Variants in RABGEF1 observed in about 807,000 individuals in gnomAD.
The protein encoded by RABGEF1 is RAB guanine nucleotide exchange factor 1.
RABGEF1 carries 26 observed loss-of-function variants against 57.3 expected under a neutral mutation model. The observed-to-expected ratio is 0.45, with a 90% CI of 0.33 to 0.63. The LOEUF is 0.63. Ranked by LOEUF, RABGEF1 falls within the 20% of genes least tolerant of loss-of-function variation. The probability of loss-of-function intolerance (pLI) is 0.02; values close to 1 mark genes in which losing one functional copy is unlikely to be tolerated. For synonymous variants in RABGEF1, 185 were observed against 210.7 expected (o/e 0.88, Z 1.06); for missense variants, 464 against 607.6 (o/e 0.76, Z 2.48).
chr7:66,706,601 G>A (rs923305137), intron 1 of RABGEF1, among the ~76,000 whole-genome samples: 3 of 151,100 alleles, frequency 2.0e-5, no homozygotes, highest in African/African-American at 7.3e-5. Context: ...AGTAGAGACG[G>A]GATTTCACCA....
intron 1 of RABGEF1, among the ~76,000 whole-genome samples, chr7:66,754,801 G>A (rs1351390898): frequency 6.6e-6 from 1 of 152,190 alleles, no homozygotes; most frequent in Non-Finnish European, 1.5e-5. Flanking sequence ...GTGTATGTGT[G>A]TATCACTTTA....
intron 1 of RABGEF1, among the ~76,000 whole-genome samples, chr7:66,768,288 T>TA (rs2129102422): frequency 6.6e-6 from 1 of 152,360 alleles, no homozygotes; most frequent in Admixed American, 6.5e-5. Flanking sequence ...CTGCACAGTA[T>TA]GTAGCAAAGG....
chr7:66,761,838 G>A (rs117489724), intron 1 of RABGEF1, among the ~76,000 whole-genome samples: 13,372 of 152,184 alleles, frequency 0.088, 748 homozygotes, highest in Non-Finnish European at 0.11. Context: ...GTCACTTGAC[G>A]TCAGGAGTTC....
chr7:66,730,342 A>C (rs143212084), intron 2 of RABGEF1, among the ~76,000 whole-genome samples: 1 of 152,306 alleles, frequency 6.6e-6, no homozygotes, highest in African/African-American at 2.4e-5. Context: ...CAGGGGATAA[A>C]CAATAGGCTC....
chr7:66,778,181 T>C (rs1808988935), intron 3 of RABGEF1, among the ~76,000 whole-genome samples: 1 of 152,224 alleles, frequency 6.6e-6, no homozygotes, highest in Non-Finnish European at 1.5e-5. Flanking sequence ...GATTCTGTAT[T>C]CTTGAATCTT....
At chr7:66,758,207 T>G (rs565100134) in intron 1 of RABGEF1, among the ~76,000 whole-genome samples, 1 of 152,276 alleles carries the variant, frequency 6.6e-6, no homozygotes, top group African/African-American at 2.4e-5. Context: ...CTGCAAAGTA[T>G]TTTCGTTTTG....
intron 1 of RABGEF1, among the ~76,000 whole-genome samples, chr7:66,756,834 C>A (rs1194731026): frequency 6.6e-6 from 1 of 152,074 alleles, no homozygotes; most frequent in East Asian, 1.9e-4. Context: ...CCAGTTATTG[C>A]AACACTATTT....
At chr7:66,783,997 A>G (rs1471181272) in intron 4 of RABGEF1, among the ~76,000 whole-genome samples, 156 bp downstream of exon 4, 2 of 152,218 alleles carry the variant, frequency 1.3e-5, no homozygotes, top group Admixed American at 6.5e-5. Flanking sequence ...ATCAAGCTAA[A>G]ACCCAACTCT....
intron 5 of RABGEF1, among the ~76,000 whole-genome samples, 177 bp downstream of exon 5, chr7:66,795,769 G>GT (rs375319188): frequency 1.3e-5 from 2 of 152,180 alleles, no homozygotes; most frequent in South Asian, 2.1e-4. Context: ...TGTACCATGC[G>GT]TATCTTTCCA....
chr7:66,765,802 C>T (rs1805553833), intron 1 of RABGEF1, among the ~76,000 whole-genome samples: 3 of 152,092 alleles, frequency 2.0e-5, no homozygotes, highest in Non-Finnish European at 4.4e-5. Context: ...ATTGGGGGAC[C>T]ATTCACCTTA....
In RABGEF1 at chr7:66,809,007, C is replaced by A; in HGVS notation, c.1199C>A (p.Ser400Tyr). The change falls in exon 9 of 9, where the codon TCT becomes TAT. Residue 400 changes from serine to tyrosine, a missense_variant. Coordinates refer to ENST00000284957, the MANE Select transcript of RABGEF1 (RefSeq NM_014504.3). Reference protein sequence around the residue: ...SPRKQEAESWSPDACLGVKQM... With the variant: ...SPRKQEAESWYPDACLGVKQM... ...AGGAAGCAAGAAGCTGAGAGTTGGT[C>A]TCCTGATGCTTGCTTAGGCGTCAAG... The A allele has an allele frequency of 6.2e-7, 1 of 1,614,156 alleles. No individual in the cohort carries two copies. Among genetic ancestry groups the A allele is most frequent in the Non-Finnish European group, 8.5e-7 (1 of 1,180,032 alleles).
chr7:66,679,567 C>G (rs1789546798), upstream of RABGEF1, among the ~76,000 whole-genome samples: 1 of 152,240 alleles, frequency 6.6e-6, no homozygotes, highest in African/African-American at 2.4e-5. Context: ...GATCAGCCCG[C>G]CTCGGCCTCC....
At chr7:66,683,968 T>A (rs1321317649) in intron 1 of RABGEF1, among the ~76,000 whole-genome samples, 1 of 152,232 alleles carries the variant, frequency 6.6e-6, no homozygotes. Context: ...CTTGAATTCC[T>A]GGACTCAAGC....
chr7:66,673,537 C>T, the RABGEF1 span, among the ~76,000 whole-genome samples: 19 of 150,676 alleles, frequency 1.3e-4, no homozygotes, highest in Admixed American at 6.7e-5. Flanking sequence ...GCACACACCC[C>T]CAATGTCATT....
intron 2 of RABGEF1, among the ~76,000 whole-genome samples, chr7:66,732,654 T>A (rs1485240031): frequency 6.6e-6 from 1 of 152,156 alleles, no homozygotes; most frequent in Non-Finnish European, 1.5e-5. Context: ...CACTCCATCA[T>A]GAAATTTGGT....
chr7:66,737,503 C>G (rs1798139562), upstream of RABGEF1, among the ~76,000 whole-genome samples: 1 of 151,932 alleles, frequency 6.6e-6, no homozygotes, highest in African/African-American at 2.4e-5. Flanking sequence ...CGGGGCTCAG[C>G]CTTGCCATGG....
intron 2 of RABGEF1, among the ~76,000 whole-genome samples, chr7:66,724,152 C>G (rs545086514): frequency 3.8e-4 from 57 of 151,894 alleles, no homozygotes; most frequent in Middle Eastern, 3.4e-3. Context: ...CAGCTTTTTC[C>G]CCCCAGCACT....
At chr7:66,692,022 A>G (rs1791588655) in intron 1 of RABGEF1, among the ~76,000 whole-genome samples, 2 of 152,180 alleles carry the variant, frequency 1.3e-5, no homozygotes, top group South Asian at 4.1e-4. Context: ...GTGCCACTGC[A>G]CTCCAGCTTG....
intron 4 of RABGEF1, among the ~76,000 whole-genome samples, chr7:66,785,202 C>G (rs1766232895): frequency 6.6e-6 from 1 of 152,134 alleles, no homozygotes; most frequent in Non-Finnish European, 1.5e-5. Flanking sequence ...GTACAAATAT[C>G]ACAATGCCTA....
Sources: gnomAD v4.1 joint callset for allele counts (sites outside exome capture counted in the v4.1 genomes callset) on GRCh38, gnomAD v4.1.1 for gene constraint, MANE v1.5 for transcripts, NCBI Gene and HGNC (gene_info 2026-07-23, HGNC 2026-07-21) for gene names.